The following MGST1 variants were observed in gnomAD, a reference collection of about 807,000 sequenced individuals.
MGST1 encodes the protein glutathione S-transferase 12.
A neutral mutation model predicts 8.9 loss-of-function variants in MGST1; 5 were observed. The ratio of observed to expected loss-of-function variants is 0.56; its 90% CI spans 0.29 to 1.19. MGST1 has a LOEUF of 1.19. Ranked by LOEUF, MGST1 falls within the 50% of genes most tolerant of loss-of-function variation. The pLI, the probability that MGST1 is intolerant of heterozygous loss-of-function variation, is 0.08. For synonymous variants in MGST1, 54 were observed against 67.8 expected (o/e 0.80, Z 1.00); for missense variants, 182 against 187.4 (o/e 0.97, Z 0.17).
At chr12:16,385,282 G>A (rs1460823713) in intron 1 of MGST1, among the ~76,000 whole-genome samples, 1 of 152,176 alleles carries the variant, frequency 6.6e-6, no homozygotes, top group Non-Finnish European at 1.5e-5. Context: ...ACTGCAATAT[G>A]AATTCTGCTG....
chr12:16,488,546 C>T (rs1213936395), intron 4 of MGST1, among the ~76,000 whole-genome samples: 1 of 152,064 alleles, frequency 6.6e-6, no homozygotes, highest in Non-Finnish European at 1.5e-5. Flanking sequence ...TTTGAGAAGT[C>T]TTTCTTGTTT....
chr12:16,363,950 C>T lies in MGST1; in HGVS notation c.377C>T (p.Pro126Leu), dbSNP rs1389469780. 2 of 1,613,934 alleles carry T rather than the reference C, an allele frequency of 1.2e-6. No homozygotes were observed. Among genetic ancestry groups the T allele is most frequent in the Non-Finnish European group, 1.7e-6 (2 of 1,179,876 alleles). The change falls in exon 4 of 4, where the codon CCC (proline) becomes CTC (leucine). Residue 126 changes from proline to leucine, a missense_variant. Coordinates refer to ENST00000396210, the MANE Select transcript of MGST1 (RefSeq NM_020300.5). The surrounding 1 kb of genome is among the most constrained non-coding windows in gnomAD (Gnocchi z 4.6). The part of the protein sequence containing the change: ...YHTIAYLTPL[P>L]QPNRALSFFV... Reference sequence around the variant, plus strand: ...ACCATTGCATATTTGACACCCCTTCCCCAGCCAAATAGAGCTTTGAGTTTT... The same window carrying T: ...ACCATTGCATATTTGACACCCCTTCTCCAGCCAAATAGAGCTTTGAGTTTT...
chr12:16,484,771 C>A lies in MGST1; in HGVS notation n.482+101167C>A, dbSNP rs117387033. Among the ~76,000 whole-genome samples, 194 of 152,254 alleles carry A rather than the reference C, an allele frequency of 1.3e-3. 4 individuals carry two copies. In the East Asian group the frequency reaches 0.031, roughly 25 times the overall value. ...TTCAATCACCTCCCACCAGGCCTGT[C>A]CTCCAACACTGGGGATTACAATGTG... is the stretch of plus-strand genomic sequence containing the variant. On this transcript the variant is annotated intron_variant and non_coding_transcript_variant, in intron 4 of 4. Coordinates refer to the MGST1 transcript ENST00000538857.
At chr12:16,468,612 G>A (rs765373289) in intron 4 of MGST1, among the ~76,000 whole-genome samples, 150 of 152,316 alleles carry the variant, frequency 9.8e-4, no homozygotes, top group Non-Finnish European at 1.6e-3. Flanking sequence ...AATATGGAAT[G>A]TTGCTTGTGG....
At chr12:16,506,687 T>A (rs1413394272) in intron 4 of MGST1, among the ~76,000 whole-genome samples, 1 of 152,180 alleles carries the variant, frequency 6.6e-6, no homozygotes, top group East Asian at 1.9e-4. Context: ...TGTGCTTTTG[T>A]GTACCATGGC....
intron 1 of MGST1, chr12:16,348,801 TAAA>T (rs61688908): frequency 0.047 from 6,474 of 139,176 alleles, 160 homozygotes; most frequent in East Asian, 0.054. Flanking sequence ...CTTTGGTAAT[TAAA>T]AAAAAAAAAA....
intron 4 of MGST1, among the ~76,000 whole-genome samples, chr12:16,563,871 T>C (rs1942490803): frequency 6.6e-6 from 1 of 152,212 alleles, no homozygotes; most frequent in African/African-American, 2.4e-5. Flanking sequence ...TTTTGCTCAT[T>C]TTAAGATGTC....
At chr12:16,393,099 T>C (rs1433205582) in intron 1 of MGST1, among the ~76,000 whole-genome samples, 1 of 146,830 alleles carries the variant, frequency 6.8e-6, no homozygotes, top group Non-Finnish European at 1.5e-5. Flanking sequence ...TCTTAACTCT[T>C]TCCTGTTTTT....
chr12:16,400,712 T>C, intron 1 of MGST1: 1 of 1,378,142 alleles, frequency 7.3e-7, no homozygotes, highest in Non-Finnish European at 1.0e-6. Flanking sequence ...GCAATAAAAG[T>C]TGATTTGCAA....
At chr12:16,507,769 T>C (rs1040934371) in intron 4 of MGST1, among the ~76,000 whole-genome samples, 2 of 151,940 alleles carry the variant, frequency 1.3e-5, no homozygotes. Flanking sequence ...TCACTCAATA[T>C]CATGAGAACA....
At chr12:16,420,924 T>A (rs1940830417) in intron 1 of MGST1, among the ~76,000 whole-genome samples, 1 of 152,118 alleles carries the variant, frequency 6.6e-6, no homozygotes, top group Non-Finnish European at 1.5e-5. Context: ...TTCGGATTGA[T>A]CTCTTTTACT....
In MGST1 at chr12:16,565,590, T is replaced by C. The variant is rs555280808; in HGVS notation, n.483-23938T>C. Among the ~76,000 whole-genome samples, 43 of 152,276 alleles carry C rather than the reference T, an allele frequency of 2.8e-4. No homozygotes were observed. In the South Asian group the frequency reaches 8.7e-3, roughly 31 times the overall value. The stretch of plus-strand genomic sequence containing the variant: ...AACACTGAACATTTTAGAATGTACA[T>C]ATAAAAATATAAATGTTTAACATTA... On this transcript the variant is annotated intron_variant and non_coding_transcript_variant, in intron 4 of 4. Coordinates refer to the MGST1 transcript ENST00000538857.
intron 4 of MGST1, among the ~76,000 whole-genome samples, chr12:16,526,483 T>G (rs1298732959): frequency 6.6e-6 from 1 of 151,996 alleles, no homozygotes; most frequent in Non-Finnish European, 1.5e-5. Flanking sequence ...GAAATCAAAC[T>G]GCATGAGAAA....
Position 16,352,362 on chromosome 12 carries a change from G to A in MGST1, c.-22-1869G>A, listed in dbSNP as rs1913263. ...TGGATAGAAAGATTGCAGCTGATAGGTGTCAGGCTAATAAGGACACAATGC... is the reference window on the plus strand; with the variant it reads ...TGGATAGAAAGATTGCAGCTGATAGATGTCAGGCTAATAAGGACACAATGC... On this transcript the variant is annotated intron_variant, in intron 1 of 3. Transcript: ENST00000396210. Among the ~76,000 whole-genome samples the A allele has an allele frequency of 0.7, 106,554 of 151,982 alleles. 37,658 individuals are homozygous for A. Among genetic ancestry groups the A allele is most frequent in the Non-Finnish European group, 0.73 (49,931 of 67,966 alleles).
At chr12:16,425,109 A>T (rs1397051888) in intron 1 of MGST1, among the ~76,000 whole-genome samples, 1 of 152,232 alleles carries the variant, frequency 6.6e-6, no homozygotes, top group Non-Finnish European at 1.5e-5. Flanking sequence ...ACCCAGGGTT[A>T]GAATGAATAA....
At chr12:16,564,869 T>C (rs955431249) in intron 4 of MGST1, among the ~76,000 whole-genome samples, 9 of 152,184 alleles carry the variant, frequency 5.9e-5, no homozygotes, top group Non-Finnish European at 1.3e-4. Context: ...CACTGCAGCC[T>C]TGACCTCCTA....
At chr12:16,440,031 G>T (rs187628249), downstream of MGST1, among the ~76,000 whole-genome samples, 698 of 151,808 alleles carry the variant, frequency 4.6e-3, 3 homozygotes, top group Non-Finnish European at 6.1e-3. Context: ...GACTCTGGAG[G>T]TGCATTTATG....
At chr12:16,592,727 C>G (rs1242113578), downstream of MGST1, among the ~76,000 whole-genome samples, 1 of 151,808 alleles carries the variant, frequency 6.6e-6, no homozygotes, top group Non-Finnish European at 1.5e-5. Context: ...TAAAATGTAA[C>G]AGTCTTGATT....
chr12:16,493,766 A>G (rs1268475059), intron 4 of MGST1, among the ~76,000 whole-genome samples: 1 of 152,180 alleles, frequency 6.6e-6, no homozygotes, highest in Non-Finnish European at 1.5e-5. Flanking sequence ...GGATATAAAC[A>G]TTGAAGAATC....
Sources: gnomAD v4.1 joint callset for allele counts (sites outside exome capture counted in the v4.1 genomes callset) on GRCh38, gnomAD v4.1.1 for gene constraint, Gnocchi (gnomAD v3.1) non-coding constraint, MANE v1.5 for transcripts, NCBI Gene and HGNC (gene_info 2026-07-23, HGNC 2026-07-21) for gene names.